Variants in PLGRKT observed in about 807,000 individuals in gnomAD.
The protein encoded by PLGRKT is plasminogen receptor (KT).
A neutral mutation model predicts 18.5 loss-of-function variants in PLGRKT; 22 were observed. The observed-to-expected ratio is 1.19, with a 90% CI of 0.85 to 1.70. PLGRKT has a LOEUF of 1.70. PLGRKT is among the 40% of genes most tolerant of loss of function. PLGRKT has a pLI of 0.00. For missense variants in PLGRKT, 235 were observed against 174.4 expected, an observed-to-expected ratio of 1.35 and a Z score of -1.96; for synonymous variants, 72 against 52.8, an observed-to-expected ratio of 1.36 and a Z score of -1.58.
intron 3 of PLGRKT, among the ~76,000 whole-genome samples, chr9:5,420,406 G>A (rs1443135948): frequency 1.3e-5 from 2 of 152,124 alleles, no homozygotes; most frequent in African/African-American, 4.8e-5. Context: ...TATATGATGT[G>A]TATTTTTTTC....
At chr9:5,384,288 GATC>G (rs1563773879) in intron 3 of PLGRKT, among the ~76,000 whole-genome samples, 1 of 152,164 alleles carries the variant, frequency 6.6e-6, no homozygotes. Flanking sequence ...ACGGTCAGGG[GATC>G]AGAACAGAAC....
intron 3 of PLGRKT, among the ~76,000 whole-genome samples, chr9:5,383,552 C>T (rs1347836650): frequency 6.6e-6 from 1 of 152,070 alleles, no homozygotes; most frequent in Non-Finnish European, 1.5e-5. Context: ...AATAATTATA[C>T]AACTCACCAT....
At chr9:5,388,633 T>A (rs1373219446) in intron 3 of PLGRKT, among the ~76,000 whole-genome samples, 1 of 152,060 alleles carries the variant, frequency 6.6e-6, no homozygotes, top group Non-Finnish European at 1.5e-5. Flanking sequence ...CCCAAGGGCA[T>A]GAGCCTAGCC....
intron 3 of PLGRKT, chr9:5,419,040 G>A (rs548146627): frequency 1.0e-4 from 44 of 424,572 alleles, no homozygotes; most frequent in South Asian, 9.8e-4. Flanking sequence ...TTCAGAGGCC[G>A]CCGCTCTGCG....
At chr9:5,427,205 A>C (rs1416214939) in intron 3 of PLGRKT, among the ~76,000 whole-genome samples, 2 of 152,194 alleles carry the variant, frequency 1.3e-5, no homozygotes, top group Non-Finnish European at 1.5e-5. Context: ...AGTGTAGCCA[A>C]GCTGTCCACA....
chr9:5,433,722 A>G (rs1252327569), intron 2 of PLGRKT, among the ~76,000 whole-genome samples: 14 of 89,340 alleles, frequency 1.6e-4, no homozygotes, highest in South Asian at 4.4e-4. Context: ...CTGCCTGAGC[A>G]CCCATCGTCT....
chr9:5,372,030 G>C (rs915958002), intron 3 of PLGRKT, among the ~76,000 whole-genome samples: 2 of 113,462 alleles, frequency 1.8e-5, no homozygotes, highest in African/African-American at 7.5e-5. Context: ...CTCCCAGGCT[G>C]GAGTGCAGTG....
At chr9:5,412,775 A>G (rs1409649272) in intron 3 of PLGRKT, among the ~76,000 whole-genome samples, 3 of 152,250 alleles carry the variant, frequency 2.0e-5, no homozygotes, top group East Asian at 3.8e-4. Context: ...TTGACCACAT[A>G]AAACTAAACT....
intron 2 of PLGRKT, among the ~76,000 whole-genome samples, chr9:5,435,274 G>A (rs1278876353): frequency 6.9e-6 from 1 of 145,286 alleles, no homozygotes; most frequent in African/African-American, 2.6e-5. Context: ...CTATGACCCT[G>A]CCACATCCCC....
At chr9:5,426,716 T>C (rs187986507) in intron 3 of PLGRKT, among the ~76,000 whole-genome samples, 25 of 152,312 alleles carry the variant, frequency 1.6e-4, no homozygotes, top group African/African-American at 5.8e-4. Flanking sequence ...CTGACTGCTC[T>C]TTAGCTGGGC....
chr9:5,362,762 G>T (rs911735), intron 3 of PLGRKT, among the ~76,000 whole-genome samples: 2 of 151,948 alleles, frequency 1.3e-5, no homozygotes, highest in Admixed American at 6.6e-5. Flanking sequence ...GCTGGGAGGG[G>T]CGAATGATAG....
intron 3 of PLGRKT, among the ~76,000 whole-genome samples, chr9:5,409,090 C>G (rs949838693): frequency 6.6e-6 from 1 of 152,182 alleles, no homozygotes; most frequent in Non-Finnish European, 1.5e-5. Context: ...TGGAGAACCT[C>G]TATTAGAGCA....
chr9:5,366,953 C>T lies in PLGRKT; in HGVS notation c.82-5065G>A, dbSNP rs912961321. Among the ~76,000 whole-genome samples, 3 of 151,662 alleles carry T rather than the reference C, an allele frequency of 2.0e-5. No homozygotes were observed. The East Asian group carries it at 5.8e-4, about 29-fold the overall frequency. On this transcript the variant is annotated intron_variant, in intron 3 of 5. Transcript: ENST00000223864. Reference sequence around the variant, plus strand: ...CAAACAAAAATTAGTAGCATTTCTACACACCAATAATGGTCATGCTGAGAG... The same window carrying T: ...CAAACAAAAATTAGTAGCATTTCTATACACCAATAATGGTCATGCTGAGAG...
chr9:5,381,805 A>G (rs1330524922), intron 3 of PLGRKT: 4 of 837,942 alleles, frequency 4.8e-6, no homozygotes, highest in Non-Finnish European at 5.7e-6. Flanking sequence ...ATGGCCAACA[A>G]TTGTAGTTTT....
chr9:5,379,627 A>T (rs1278626980), intron 3 of PLGRKT, among the ~76,000 whole-genome samples: 1 of 152,230 alleles, frequency 6.6e-6, no homozygotes, highest in Non-Finnish European at 1.5e-5. Context: ...AACCCAATAG[A>T]AAAAGGGCAT....
intron 3 of PLGRKT, among the ~76,000 whole-genome samples, chr9:5,395,196 G>A (rs1372818423): frequency 6.6e-6 from 1 of 151,616 alleles, no homozygotes; most frequent in African/African-American, 2.4e-5. Flanking sequence ...ATTTTCAAGA[G>A]AAGTATTCGA....
At chr9:5,378,621 T>C (rs1258989912) in intron 3 of PLGRKT, among the ~76,000 whole-genome samples, 1 of 152,226 alleles carries the variant, frequency 6.6e-6, no homozygotes, top group African/African-American at 2.4e-5. Flanking sequence ...TCAGTCTGTG[T>C]AAATTAATTG....
At chr9:5,420,537 C>T (rs749408825) in intron 3 of PLGRKT, among the ~76,000 whole-genome samples, 16 of 152,116 alleles carry the variant, frequency 1.1e-4, no homozygotes, top group African/African-American at 3.6e-4. Context: ...AAGCTAAATA[C>T]GGTGTGGATC....
At position 5,428,837 on chromosome 9, in the gene PLGRKT, T is replaced by C. The variant is rs577845398; in HGVS notation, c.81+3060A>G. Among the ~76,000 whole-genome samples the C allele has an allele frequency of 6.6e-5, 10 of 152,314 alleles. No individual in the cohort carries two copies. In the South Asian group the frequency reaches 1.9e-3, roughly 28 times the overall value. On this transcript the variant is annotated intron_variant, in intron 3 of 5. Transcript: ENST00000223864. ...CCTCAGCGTCCTGTGTAGCTGGGAC[T>C]ATAGTTGTGTAACACCATGCCTGGC...
Sources: allele counts gnomAD v4.1 joint callset (sites outside exome capture counted in the v4.1 genomes callset), GRCh38; gene constraint gnomAD v4.1.1; transcripts MANE v1.5; gene names NCBI Gene and HGNC (gene_info 2026-07-23, HGNC 2026-07-21).